UGT2A1: variants seen among roughly 807,000 people sequenced by gnomAD.
The protein encoded by UGT2A1 is UDP glucuronosyltransferase family 2 member A1 complex locus.
Under a neutral mutation model 45.4 loss-of-function variants are expected in UGT2A1, and 61 were observed. The ratio of observed to expected loss-of-function variants is 1.34; its 90% CI spans 1.09 to 1.66. The LOEUF (loss-of-function observed/expected upper bound fraction) is 1.66, where lower values mean the gene tolerates loss of function less well. UGT2A1 is among the 40% of genes most tolerant of loss of function. The pLI is 0.00. For synonymous variants in UGT2A1, 229 were observed against 196.2 expected, an observed-to-expected ratio of 1.17 and a Z score of -1.40; for missense variants, 649 against 574.3, an observed-to-expected ratio of 1.13 and a Z score of -1.33.
chr4:69,641,227 A>G (rs1030447484), intron 2 of UGT2A1, among the ~76,000 whole-genome samples: 10 of 151,954 alleles, frequency 6.6e-5, no homozygotes, highest in Non-Finnish European at 2.9e-5. Flanking sequence ...TAATATCTGC[A>G]GGGCAATAAA....
intron 4 of UGT2A1, 26 bp from the exon 5 acceptor site, chr4:69,595,275 G>A: frequency 3.1e-6 from 5 of 1,611,036 alleles, no homozygotes; most frequent in Non-Finnish European, 3.4e-6. Flanking sequence ...CTTTAATTTT[G>A]CAAGGAAAAA....
At chr4:69,610,378 G>A (rs1197948701) in intron 3 of UGT2A1, among the ~76,000 whole-genome samples, 2 of 151,890 alleles carry the variant, frequency 1.3e-5, no homozygotes, top group South Asian at 2.1e-4. Flanking sequence ...TTTCTATCTG[G>A]CCATTTATCT....
chr4:69,628,000 G>A (rs1021824845), intron 3 of UGT2A1, among the ~76,000 whole-genome samples: 1 of 151,728 alleles, frequency 6.6e-6, no homozygotes, highest in Non-Finnish European at 1.5e-5. Flanking sequence ...CTCTTTTGCT[G>A]GCCAGAAGCT....
intron 3 of UGT2A1, among the ~76,000 whole-genome samples, chr4:69,631,255 T>C (rs1364653489): frequency 1.3e-5 from 2 of 152,236 alleles, no homozygotes; most frequent in East Asian, 3.9e-4. Context: ...TGGAGGTAAA[T>C]AGATCTATCT....
intron 1 of UGT2A1, among the ~76,000 whole-genome samples, chr4:69,652,134 G>A (rs947867394): frequency 1.3e-5 from 2 of 152,102 alleles, no homozygotes; most frequent in Non-Finnish European, 1.5e-5. Context: ...AATTGAAGTT[G>A]CTTCAGACCT....
At chr4:69,636,557 G>A (rs188861587) in intron 2 of UGT2A1, among the ~76,000 whole-genome samples, 136 of 152,190 alleles carry the variant, frequency 8.9e-4, no homozygotes, top group African/African-American at 3.2e-3. Flanking sequence ...GAGAAGTTGA[G>A]AACTTGCTGT....
chr4:69,591,747 A>G (rs1718608821), intron 6 of UGT2A1, among the ~76,000 whole-genome samples: 1 of 152,158 alleles, frequency 6.6e-6, no homozygotes, highest in African/African-American at 2.4e-5. Context: ...CAATAATAAA[A>G]TTTAACCATC....
chr4:69,591,274 T>C (rs866442799), intron 6 of UGT2A1, among the ~76,000 whole-genome samples: 1 of 152,158 alleles, frequency 6.6e-6, no homozygotes, highest in African/African-American at 2.4e-5. Flanking sequence ...TTTTTACATT[T>C]TAGGAAGGCA....
At chr4:69,617,614 A>G (rs1720481345) in intron 3 of UGT2A1, among the ~76,000 whole-genome samples, 1 of 151,802 alleles carries the variant, frequency 6.6e-6, no homozygotes, top group African/African-American at 2.4e-5. Flanking sequence ...TATAAGTTAA[A>G]ATAATGATAT....
rs909665505 is a variant in UGT2A1, at chr4:69,653,172, T to C, written c.-55+16A>G. ...ACATTTTATATTGATTATCATGAAG[T>C]TTTCTAGTTTCTTACCTGAAGTTTC... is the stretch of plus-strand genomic sequence containing the variant. On this transcript the variant is annotated intron_variant, in intron 1 of 6. Coordinates refer to ENST00000286604, the MANE Select transcript of UGT2A1 (RefSeq NM_001252275.3). 6.6e-6 allele frequency: 1 copy of C among 152,120 alleles called. No individual in the cohort carries two copies. Among genetic ancestry groups the C allele is most frequent in the African/African-American group, 2.4e-5 (1 of 41,420 alleles). 9.4% of individuals were successfully genotyped at this position (152,120 alleles called of 1,614,324 possible).
chr4:69,636,043 A>G (rs17618404), intron 2 of UGT2A1, among the ~76,000 whole-genome samples: 34,474 of 151,998 alleles, frequency 0.23, 4,173 homozygotes, highest in Middle Eastern at 0.25. Context: ...TTTCATCTGT[A>G]AGATTTAAGA....
chr4:69,621,910 A>G (rs1049523716), intron 3 of UGT2A1, among the ~76,000 whole-genome samples: 1 of 151,912 alleles, frequency 6.6e-6, no homozygotes, highest in Admixed American at 6.6e-5. Context: ...GCAGACACAG[A>G]ACACCAAATA....
intron 2 of UGT2A1, among the ~76,000 whole-genome samples, chr4:69,636,343 T>C (rs1466272847): frequency 6.6e-6 from 1 of 152,210 alleles, no homozygotes; most frequent in Non-Finnish European, 1.5e-5. Context: ...TTAATCCTTT[T>C]GTTTGTGATG....
chr4:69,630,775 G>A (rs188070893), intron 3 of UGT2A1, among the ~76,000 whole-genome samples: 10 of 152,196 alleles, frequency 6.6e-5, no homozygotes, highest in Admixed American at 2.6e-4. Context: ...AGGTGAAACC[G>A]TGAATGCAAT....
At chr4:69,626,407 G>A (rs1324815831) in intron 3 of UGT2A1, among the ~76,000 whole-genome samples, 1 of 150,480 alleles carries the variant, frequency 6.6e-6, no homozygotes, top group Non-Finnish European at 1.5e-5. Flanking sequence ...TATACATGAA[G>A]TAACTATTAT....
chr4:69,620,322 A>G (rs1234682055), intron 3 of UGT2A1, among the ~76,000 whole-genome samples: 1 of 142,052 alleles, frequency 7.0e-6, no homozygotes, highest in Non-Finnish European at 1.6e-5. Flanking sequence ...AATCACTGCC[A>G]TTCCTATACA....
chr4:69,638,903 A>G (rs577203151), intron 2 of UGT2A1: 94 of 1,576,396 alleles, frequency 6.0e-5, no homozygotes, highest in Non-Finnish European at 8.0e-5. Flanking sequence ...ACTTACCTAA[A>G]ATTTTGCTAT....
chr4:69,610,162 T>C (rs560728219), intron 3 of UGT2A1, among the ~76,000 whole-genome samples: 4 of 152,260 alleles, frequency 2.6e-5, no homozygotes, highest in African/African-American at 9.6e-5. Context: ...TACATGCATA[T>C]TTTAAAAGAT....
At chr4:69,634,119 C>A (rs1172765806) in intron 3 of UGT2A1, among the ~76,000 whole-genome samples, 4 of 152,032 alleles carry the variant, frequency 2.6e-5, no homozygotes, top group Non-Finnish European at 5.9e-5. Flanking sequence ...GTGACCGGCG[C>A]CTGTAGTCCC....
Sources: allele counts gnomAD v4.1 joint callset (sites outside exome capture counted in the v4.1 genomes callset), GRCh38; gene constraint gnomAD v4.1.1; transcripts MANE v1.5; gene names NCBI Gene and HGNC (gene_info 2026-07-23, HGNC 2026-07-21).